Variants in MELTF observed in about 807,000 individuals in gnomAD.
MELTF encodes the protein antigen p97 (melanoma associated) identified by monoclonal antibodies 133.2 and 96.5.
In MELTF, 67 loss-of-function variants were observed where a neutral mutation model predicts 83.7. That is an observed-to-expected ratio of 0.80 (90% CI 0.66 to 0.98). MELTF has a LOEUF of 0.98. Ranked by LOEUF, MELTF falls within the 50% of genes least tolerant of loss-of-function variation. The pLI, the probability that MELTF is intolerant of heterozygous loss-of-function variation, is 0.00. For synonymous variants in MELTF, 462 were observed against 447.6 expected (o/e 1.03, Z -0.41); for missense variants, 1,002 against 1,035.6 (o/e 0.97, Z 0.44).
intron 8 of MELTF, 130 bp downstream of exon 8, chr3:197,016,059 A>C: frequency 4.0e-6 from 3 of 752,312 alleles, no homozygotes; most frequent in Non-Finnish European, 6.0e-6. Flanking sequence ...GGGCAGAGGA[A>C]TGGAAATGAC....
chr3:197,019,611 C>T, intron 6 of MELTF: 1 of 1,598,616 alleles, frequency 6.3e-7, no homozygotes, highest in Non-Finnish European at 8.6e-7. Context: ...ATTCTTAACC[C>T]AACATATCCC....
At position 197,008,331 on chromosome 3, in the gene MELTF, C is replaced by G. The variant is rs1342963960; in HGVS notation, c.1750+326G>C. Among the ~76,000 whole-genome samples, 1 of 152,144 alleles carries G rather than the reference C, an allele frequency of 6.6e-6. No individual in the cohort carries two copies. The highest frequency in any genetic ancestry group is 2.4e-5 in the African/African-American group (1 of 41,416). ...GTGGAGAGGCTCATGCCACTCCCAC[C>G]TCACACCTTGGCACTACATCAATAC... On this transcript the variant is annotated intron_variant, in intron 13 of 15. Coordinates refer to ENST00000296350, the MANE Select transcript of MELTF (RefSeq NM_005929.6). This position sits in a 1 kb window ranked among gnomAD's most constrained non-coding sequence, Gnocchi z 5.4.
At position 197,006,537 on chromosome 3, in the gene MELTF, A is replaced by G. The variant is rs1560210121; in HGVS notation, c.1938+12T>C. 3 of 1,609,482 alleles carry G rather than the reference A, an allele frequency of 1.9e-6. No individual in the cohort carries two copies. Among genetic ancestry groups the G allele is most frequent in the Non-Finnish European group, 2.5e-6 (3 of 1,177,938 alleles). On this transcript the variant is annotated intron_variant, in intron 14 of 15. Coordinates refer to ENST00000296350, the MANE Select transcript of MELTF (RefSeq NM_005929.6). This position sits in a 1 kb window ranked among gnomAD's most constrained non-coding sequence, Gnocchi z 5.4. ...GCACACCCCTCAATGAGGTAGCCCCACCCTGGCTCACCTGGGCCTTGTCCA... is the reference window on the plus strand; with the variant it reads ...GCACACCCCTCAATGAGGTAGCCCCGCCCTGGCTCACCTGGGCCTTGTCCA...
chr3:197,004,260 T>C, intron 14 of MELTF, 161 bp from the exon 15 acceptor site: 1 of 717,648 alleles, frequency 1.4e-6, no homozygotes, highest in Admixed American at 2.3e-5. Flanking sequence ...TGACAACTGA[T>C]TGGCCTCTGT....
At position 197,006,454 on chromosome 3, in the gene MELTF, C is replaced by T. The variant is rs968751248; in HGVS notation, c.1938+95G>A. On this transcript the variant is annotated intron_variant, in intron 14 of 15. Transcript: ENST00000296350. This position sits in a 1 kb window ranked among gnomAD's most constrained non-coding sequence, Gnocchi z 5.4. ...AATTTCCCCCGGGCTTCCTCAATTT[C>T]TCTAGAGGTCTGCTCCAGGTAGACT... 2 of 1,138,310 alleles carry T rather than the reference C, an allele frequency of 1.8e-6. No individual in the cohort carries two copies. The allele number at this position is 1,138,310 out of a possible 1,614,324, so 70.5% of individuals were successfully genotyped here.
At chr3:197,018,332 T>A (rs535427943) in intron 6 of MELTF, among the ~76,000 whole-genome samples, 4,226 of 150,150 alleles carry the variant, frequency 0.028, 104 homozygotes, top group East Asian at 0.07. Context: ...TATTTTTTTT[T>A]ATTAGAGATG....
At chr3:197,017,811 A>G (rs1230192760) in intron 6 of MELTF, among the ~76,000 whole-genome samples, 1 of 152,100 alleles carries the variant, frequency 6.6e-6, no homozygotes, top group Non-Finnish European at 1.5e-5. Flanking sequence ...TGGGAGGCGG[A>G]GCTTGCAGTG....
rs546405786 is a variant in MELTF at position 197,021,291 on chromosome 3, GAGC to G, written c.712+110_712+112del. 96 of 943,904 alleles carry G rather than the reference GAGC, an allele frequency of 1.0e-4. No individual in the cohort carries two copies. In the Admixed American group the frequency reaches 1.1e-3, roughly 11 times the overall value. 58.5% of individuals were successfully genotyped at this position (943,904 alleles called of 1,614,324 possible). A position where few individuals can be genotyped will look rare whatever the true frequency, so the allele number is the denominator to read the frequency against. ...TTGTCCAAGGTCACCCAGAGACTCA[GAGC>G]AGCACTGCACTAGGGCGTTTGATCC... On this transcript the variant is annotated intron_variant, in intron 6 of 15. Coordinates refer to ENST00000296350, the MANE Select transcript of MELTF (RefSeq NM_005929.6).
Position 197,011,567 on chromosome 3 carries a change from T to G in MELTF, c.1234-773A>C, listed in dbSNP as rs1384318093. Among the ~76,000 whole-genome samples the G allele has an allele frequency of 6.6e-6, 1 of 152,120 alleles. No homozygotes were observed. Among genetic ancestry groups the G allele is most frequent in the African/African-American group, 2.4e-5 (1 of 41,414 alleles). ...ACGCCATTCCTGAAGAGGCATGAAG[T>G]GATGGCGGTTAATAACAGGCAGCGG... On this transcript the variant is annotated intron_variant, in intron 9 of 15. Coordinates refer to ENST00000296350, the MANE Select transcript of MELTF (RefSeq NM_005929.6). This position sits in a 1 kb window ranked among gnomAD's most constrained non-coding sequence, Gnocchi z 4.2.
At chr3:197,023,935 T>C (rs1270087947) in intron 4 of MELTF, 1 of 491,506 alleles carries the variant, frequency 2.0e-6, no homozygotes, top group South Asian at 1.5e-5. Context: ...TTTCTGGTCC[T>C]GTAAAGCCGA....
rs1577943453 is a variant in MELTF, at chr3:197,022,367, C to T, written c.644+590G>A. On this transcript the variant is annotated intron_variant, in intron 5 of 15. Transcript: ENST00000296350. The surrounding 1 kb of genome is among the most constrained non-coding windows in gnomAD (Gnocchi z 5.1). ...AGGGGTGCTGAGGACTGTTTCTTCT[C>T]TCTAAGCCGAAAACCGCATCCAGTC... Among the ~76,000 whole-genome samples the T allele has an allele frequency of 6.6e-6, 1 of 152,194 alleles. No individual in the cohort carries two copies. Among genetic ancestry groups the T allele is most frequent in the East Asian group, 1.9e-4 (1 of 5,200 alleles).
At position 197,022,982 on chromosome 3, in the gene MELTF, A is replaced by C; in HGVS notation, c.619T>G (p.Tyr207Asp). The change falls in exon 5 of 16, where the codon TAC (tyrosine) becomes GAC (aspartate). Residue 207 changes from tyrosine to aspartate, a missense_variant. Tyr to Asp is a radical substitution (Grantham distance 160, BLOSUM62 -3). Transcript: ENST00000296350. The surrounding 1 kb of genome is among the most constrained non-coding windows in gnomAD (Gnocchi z 5.1). ...CGGAAGGCCCCGCTGTAGTCGTAGTATCTCTCCAGGGGGCTCTTGTCACAC... is the reference window on the plus strand; with the variant it reads ...CGGAAGGCCCCGCTGTAGTCGTAGTCTCTCTCCAGGGGGCTCTTGTCACAC... Reference protein sequence around the residue: ...GVCDKSPLERYYDYSGAFRCL... With the variant: ...GVCDKSPLERDYDYSGAFRCL... 6.2e-7 allele frequency: 1 copy of C among 1,611,760 alleles called. No homozygotes were observed. Among genetic ancestry groups the C allele is most frequent in the South Asian group, 1.1e-5 (1 of 90,874 alleles).
chr3:197,025,804 G>A (rs1178759917), intron 3 of MELTF: 1 of 152,486 alleles, frequency 6.6e-6, no homozygotes, highest in East Asian at 1.9e-4. Context: ...GATGCTGTGT[G>A]GAGTTCCAGA....
rs377730545 is a variant in MELTF at position 197,008,784 on chromosome 3, C to G, written c.1682+25G>C. The G allele has an allele frequency of 4.8e-5, 78 of 1,613,794 alleles. No homozygotes were observed. The highest frequency in any genetic ancestry group is 6.3e-5 in the Non-Finnish European group (74 of 1,179,892). ...AGGGTCCCAGCCTCTGCACACAGCCCCAGACTGCCAGGCCACCCGGGTACC... is the reference window on the plus strand; with the variant it reads ...AGGGTCCCAGCCTCTGCACACAGCCGCAGACTGCCAGGCCACCCGGGTACC... On this transcript the variant is annotated intron_variant, in intron 12 of 15. Transcript: ENST00000296350. The surrounding 1 kb of genome is among the most constrained non-coding windows in gnomAD (Gnocchi z 5.4).
At chr3:197,023,962 A>G (rs139649761) in intron 4 of MELTF, 5,459 of 539,240 alleles carry the variant, frequency 0.01, 180 homozygotes, top group African/African-American at 0.084. Flanking sequence ...ATTTCTAGAC[A>G]CAGTGACCTG....
chr3:197,009,794 G>T lies in MELTF; in HGVS notation c.1349C>A (p.Ser450Ter). ...TCTCACCACGGCCACCACGTAGTAC[G>T]AGTTGCTGCTGTCTTCCGCTGGGGA... ...EHYAPEDSSNSYYVVAVVRRD... is the reference protein window; with the variant it reads ...EHYAPEDSSN Residue 450 changes from serine (S) to a stop codon, truncating the protein, a stop_gained, in exon 11 of 16, where the codon TCG (serine) becomes TAG (stop). Coordinates refer to ENST00000296350, the MANE Select transcript of MELTF (RefSeq NM_005929.6). LOFTEE classifies it high-confidence loss of function. 1 of 1,611,428 alleles carries T rather than the reference G, an allele frequency of 6.2e-7. No individual in the cohort carries two copies. Among genetic ancestry groups the T allele is most frequent in the Non-Finnish European group, 8.5e-7 (1 of 1,178,370 alleles).
chr3:197,003,309 G>A lies in MELTF; in HGVS notation c.*63C>T, dbSNP rs1718825640. On this transcript the variant is annotated 3_prime_UTR_variant, in exon 16 of 16. Coordinates refer to ENST00000296350, the MANE Select transcript of MELTF (RefSeq NM_005929.6). The surrounding 1 kb of genome is among the most constrained non-coding windows in gnomAD (Gnocchi z 6.2). Reference sequence around the variant, plus strand: ...TTCGCGAGCTTCCTTCTGGATTCCAGCGCGAAGCCGCCGCGGAAACTCCCC... The same window carrying A: ...TTCGCGAGCTTCCTTCTGGATTCCAACGCGAAGCCGCCGCGGAAACTCCCC... 9.6e-7 allele frequency: 1 copy of A among 1,040,986 alleles called. No homozygotes were observed. The highest frequency in any genetic ancestry group is 1.2e-6 in the Non-Finnish European group (1 of 868,310). The allele number at this position is 1,040,986 out of a possible 1,614,324, so 64.5% of individuals were successfully genotyped here. A position where few individuals can be genotyped will look rare whatever the true frequency, so the allele number is the denominator to read the frequency against.
chr3:197,010,698 G>C lies in MELTF; in HGVS notation c.1330C>G (p.Pro444Ala). Residue 444 changes from proline to alanine, a missense_variant and splice_region_variant, in exon 10 of 16, where the codon CCG becomes GCG. Pro to Ala is a conservative substitution (Grantham distance 27, BLOSUM62 -1). Transcript: ENST00000296350. ...GCCAGGCGGCAGGCCCTGCACTCAC[G>C]GGCATAGTGCTCCCCGGCTGCGGGA... is the stretch of plus-strand genomic sequence containing the variant. ...LVPAAGEHYA[P>A]EDSSNSYYVV... 6.2e-7 allele frequency: 1 copy of C among 1,612,122 alleles called. No homozygotes were observed. Among genetic ancestry groups the C allele is most frequent in the Non-Finnish European group, 8.5e-7 (1 of 1,179,292 alleles).
In MELTF at chr3:197,004,004, G is replaced by C. The variant is rs769651004; in HGVS notation, c.2034C>G (p.Val678=). 6.2e-7 allele frequency: 1 copy of C among 1,614,198 alleles called. No homozygotes were observed. The highest frequency in any genetic ancestry group is 1.1e-5 in the South Asian group (1 of 91,078). ...TTTTCTCTCCGACAGGCACCGCCCG[G>C]ACGGTGGCATCCTTGAAAAGCAGGT... ...GQDLLFKDAT[V]RAVPVGEKTT... Residue 678 remains valine (V), a synonymous_variant, in exon 15 of 16, where the codon GTC becomes GTG. Transcript: ENST00000296350.
Sources: allele counts gnomAD v4.1 joint callset (sites outside exome capture counted in the v4.1 genomes callset), GRCh38; gene constraint gnomAD v4.1.1; non-coding constraint Gnocchi (gnomAD v3.1); transcripts MANE v1.5; gene names NCBI Gene and HGNC (gene_info 2026-07-23, HGNC 2026-07-21).